Variants in CDHR3 observed in about 807,000 individuals in gnomAD.
The protein encoded by CDHR3 is cadherin-related family member 3.
A neutral mutation model predicts 86.6 loss-of-function variants in CDHR3; 79 were observed. That is an observed-to-expected ratio of 0.91 (90% CI 0.76 to 1.10). CDHR3 has a LOEUF of 1.10. Among genes scored for constraint, CDHR3 ranks in the 50% least tolerant of loss-of-function variants. CDHR3 has a pLI of 0.00. For missense variants in CDHR3, 1,081 were observed against 1,077.6 expected (o/e 1.00, Z -0.04); for synonymous variants, 421 against 402.4 (o/e 1.05, Z -0.55).
intron 7 of CDHR3, 104 bp from the exon 8 acceptor site, chr7:106,004,394 A>G (rs1378395793): frequency 1.2e-6 from 1 of 851,482 alleles, no homozygotes; most frequent in Non-Finnish European, 1.8e-6. Flanking sequence ...TGCTCTGCAT[A>G]AGCTCTTCCT....
At chr7:106,028,944 CT>C (rs1490979759) in intron 17 of CDHR3, among the ~76,000 whole-genome samples, 1 of 140,852 alleles carries the variant, frequency 7.1e-6, no homozygotes, top group Non-Finnish European at 1.5e-5. Context: ...TTCTTTCTTT[CT>C]TTCTTTCTTT....
At chr7:105,989,289 C>T (rs183325828) in intron 4 of CDHR3, among the ~76,000 whole-genome samples, 1 of 151,032 alleles carries the variant, frequency 6.6e-6, no homozygotes, top group Admixed American at 6.6e-5. Flanking sequence ...CTCCCACACT[C>T]TCTGCTTCCC....
At chr7:105,978,408 C>T (rs763730114) in intron 2 of CDHR3, among the ~76,000 whole-genome samples, 2 of 152,184 alleles carry the variant, frequency 1.3e-5, no homozygotes, top group African/African-American at 2.4e-5. Flanking sequence ...CATCTACTGT[C>T]GTGAGCACTG....
intron 6 of CDHR3, among the ~76,000 whole-genome samples, chr7:105,999,584 G>A (rs1832808319): frequency 6.6e-6 from 1 of 152,062 alleles, no homozygotes; most frequent in African/African-American, 2.4e-5. Context: ...ACCACCCCCG[G>A]CCCCCCAGCT....
intron 4 of CDHR3, among the ~76,000 whole-genome samples, chr7:105,990,406 C>T (rs1405823180): frequency 1.3e-5 from 2 of 152,196 alleles, no homozygotes; most frequent in Non-Finnish European, 1.5e-5. Flanking sequence ...CTCCTTCCTC[C>T]TCCACGTCCC....
intron 8 of CDHR3, among the ~76,000 whole-genome samples, chr7:106,010,956 A>G (rs1834708657): frequency 6.6e-6 from 1 of 152,240 alleles, no homozygotes; most frequent in African/African-American, 2.4e-5. Flanking sequence ...ATAGGACAGG[A>G]ATGAGCCTTA....
chr7:105,993,798 C>T (rs1831760233), intron 4 of CDHR3, among the ~76,000 whole-genome samples: 1 of 151,916 alleles, frequency 6.6e-6, no homozygotes, highest in African/African-American at 2.4e-5. Context: ...CAGAGCAATC[C>T]TGATGGGCTG....
At chr7:106,012,363 T>C (rs1056320487) in intron 8 of CDHR3, among the ~76,000 whole-genome samples, 7 of 151,450 alleles carry the variant, frequency 4.6e-5, no homozygotes, top group South Asian at 2.1e-4. Flanking sequence ...TTTGATTAGA[T>C]AGATGAAAGA....
rs373745082 is a variant in CDHR3 at position 105,991,298 on chromosome 7, T to C, written c.514-3453T>C. 5.9e-5 allele frequency among the ~76,000 whole-genome samples: 9 copies of C among 152,330 alleles called. No homozygotes were observed. In the East Asian group the frequency reaches 1.7e-3, roughly 29 times the overall value. Reference sequence around the variant, plus strand: ...CACATGACACAATATTTTTAGTCTTTGGATATTATCTCCTCTCTAAGTACA... The same window carrying C: ...CACATGACACAATATTTTTAGTCTTCGGATATTATCTCCTCTCTAAGTACA... On this transcript the variant is annotated intron_variant, in intron 4 of 18. Coordinates refer to ENST00000317716, the MANE Select transcript of CDHR3 (RefSeq NM_152750.5).
intron 8 of CDHR3, 73 bp downstream of exon 8, chr7:106,004,760 A>G (rs1206589404): frequency 7.2e-7 from 1 of 1,397,772 alleles, no homozygotes; most frequent in Non-Finnish European, 1.0e-6. Context: ...CTTCTCTGGT[A>G]TATTCTCAGG....
At chr7:105,989,115 G>T (rs1398102748) in intron 4 of CDHR3, among the ~76,000 whole-genome samples, 1 of 152,146 alleles carries the variant, frequency 6.6e-6, no homozygotes, top group Non-Finnish European at 1.5e-5. Flanking sequence ...TAGAGCCGGG[G>T]CTTGGCTTGG....
chr7:106,003,989 CAAAAAAAA>C (rs55815648), intron 7 of CDHR3, among the ~76,000 whole-genome samples: 44 of 79,976 alleles, frequency 5.5e-4, no homozygotes, highest in African/African-American at 1.8e-3. Context: ...CCAACCTAAC[CAAAAAAAA>C]AAAAAAAAAA....
intron 13 of CDHR3, among the ~76,000 whole-genome samples, chr7:106,020,888 C>T (rs1301287460): frequency 6.6e-6 from 1 of 152,134 alleles, no homozygotes; most frequent in Non-Finnish European, 1.5e-5. Context: ...TCTTACTCCT[C>T]CCAGACCCCA....
intron 4 of CDHR3, among the ~76,000 whole-genome samples, chr7:105,993,540 G>A (rs1831690687): frequency 6.6e-6 from 1 of 151,842 alleles, no homozygotes. Flanking sequence ...GCCAGGTGTG[G>A]TGGCACACAC....
chr7:105,988,765 G>A (rs542782348), intron 4 of CDHR3, among the ~76,000 whole-genome samples: 1 of 152,108 alleles, frequency 6.6e-6, no homozygotes, highest in African/African-American at 2.4e-5. Flanking sequence ...AATGAGTCCT[G>A]CACATGTAAT....
intron 15 of CDHR3, among the ~76,000 whole-genome samples, chr7:106,025,457 G>A (rs1488469720): frequency 1.3e-5 from 2 of 152,158 alleles, no homozygotes; most frequent in Non-Finnish European, 2.9e-5. Flanking sequence ...TAGAGTAAAT[G>A]CTTAGTACAC....
intron 8 of CDHR3, among the ~76,000 whole-genome samples, chr7:106,006,329 C>G (rs947865587): frequency 1.3e-5 from 2 of 152,134 alleles, no homozygotes; most frequent in Admixed American, 1.3e-4. Context: ...ATTTCAAAAC[C>G]AATCATGCCT....
chr7:106,005,280 C>T (rs1342789198), intron 8 of CDHR3, among the ~76,000 whole-genome samples: 1 of 152,214 alleles, frequency 6.6e-6, no homozygotes, highest in African/African-American at 2.4e-5. Context: ...TATATTTTGA[C>T]TCATTCTTTG....
intron 14 of CDHR3, among the ~76,000 whole-genome samples, chr7:106,022,686 A>T (rs1028512989): frequency 6.6e-6 from 1 of 152,156 alleles, no homozygotes; most frequent in African/African-American, 2.4e-5. Flanking sequence ...GGTAGAGAAG[A>T]GTGTGTTGTT....
Sources: gnomAD v4.1 joint callset for allele counts (sites outside exome capture counted in the v4.1 genomes callset) on GRCh38, gnomAD v4.1.1 for gene constraint, MANE v1.5 for transcripts, NCBI Gene and HGNC (gene_info 2026-07-23, HGNC 2026-07-21) for gene names.